The following PPP6R2 variants were observed in gnomAD, a reference collection of about 807,000 sequenced individuals.
The protein encoded by PPP6R2 is serine/threonine-protein phosphatase 6 regulatory subunit 2.
A neutral mutation model predicts 100.2 loss-of-function variants in PPP6R2; 62 were observed. That is an observed-to-expected ratio of 0.62 (90% CI 0.50 to 0.76). PPP6R2 has a LOEUF of 0.76. PPP6R2 is among the 30% of genes least tolerant of loss of function. PPP6R2 has a pLI of 0.00. For synonymous variants in PPP6R2, 525 were observed against 514.7 expected (o/e 1.02, Z -0.27); for missense variants, 1,142 against 1,276.3 (o/e 0.89, Z 1.60).
intron 4 of PPP6R2, among the ~76,000 whole-genome samples, chr22:50,411,711 A>T (rs1182393831): frequency 4.7e-5 from 7 of 149,968 alleles, no homozygotes; most frequent in Non-Finnish European, 1.0e-4. Context: ...CGAGATTGTG[A>T]CTCTGCACTC....
chr22:50,414,184 A>C (rs2147452381), intron 4 of PPP6R2, among the ~76,000 whole-genome samples: 1 of 152,220 alleles, frequency 6.6e-6, no homozygotes, highest in South Asian at 2.1e-4. Flanking sequence ...CCATCAGCTC[A>C]GCTCAGCTCT....
At chr22:50,361,933 T>C (rs901656996) in intron 1 of PPP6R2, among the ~76,000 whole-genome samples, 3 of 152,164 alleles carry the variant, frequency 2.0e-5, no homozygotes, top group Non-Finnish European at 4.4e-5. Flanking sequence ...GTCATGACTG[T>C]TCTCTGTCTT....
intron 2 of PPP6R2, among the ~76,000 whole-genome samples, chr22:50,386,084 C>T (rs1456237693): frequency 1.3e-5 from 2 of 151,652 alleles, no homozygotes; most frequent in Admixed American, 6.6e-5. Context: ...CTCAGCCTCC[C>T]AAAGTGCTGG....
At chr22:50,399,141 G>T (rs754601773) in intron 3 of PPP6R2, among the ~76,000 whole-genome samples, 11 of 152,108 alleles carry the variant, frequency 7.2e-5, no homozygotes, top group Non-Finnish European at 1.5e-4. Context: ...CAGCTACTTG[G>T]GAAGCTGAGA....
intron 21 of PPP6R2, 126 bp from the exon 22 acceptor site, chr22:50,440,696 G>A (rs1463813277): frequency 2.7e-6 from 3 of 1,098,004 alleles, no homozygotes; most frequent in African/African-American, 3.1e-5. Flanking sequence ...CTCCCACACA[G>A]GCACATGTGT....
chr22:50,418,004 C>A (rs547155488), intron 6 of PPP6R2, among the ~76,000 whole-genome samples: 1 of 152,162 alleles, frequency 6.6e-6, no homozygotes, highest in Non-Finnish European at 1.5e-5. Context: ...TCACGGATTG[C>A]GTGTTAATGT....
intron 8 of PPP6R2, 53 bp downstream of exon 8, chr22:50,419,515 A>T: frequency 7.9e-7 from 1 of 1,266,266 alleles, no homozygotes; most frequent in South Asian, 1.2e-5. Flanking sequence ...CCTCAGTGAT[A>T]TGGCAGCCCA....
chr22:50,393,086 C>T (rs2055979897), intron 2 of PPP6R2, among the ~76,000 whole-genome samples: 2 of 152,188 alleles, frequency 1.3e-5, no homozygotes, highest in Non-Finnish European at 2.9e-5. Context: ...CCCTGGCCTG[C>T]AGAATGACAT....
chr22:50,395,928 C>G (rs973784022), intron 3 of PPP6R2, among the ~76,000 whole-genome samples: 1 of 151,244 alleles, frequency 6.6e-6, no homozygotes, highest in Non-Finnish European at 1.5e-5. Flanking sequence ...GGCATCGTGG[C>G]TCATACCTGT....
At chr22:50,407,613 CAGTT>C (rs1354972603) in intron 4 of PPP6R2, 3 of 152,338 alleles carry the variant, frequency 2.0e-5, no homozygotes, top group African/African-American at 4.8e-5. Flanking sequence ...TCTGCAAAAG[CAGTT>C]AGTGAATTCA....
At chr22:50,393,445 C>T in intron 2 of PPP6R2, 4 of 984,848 alleles carry the variant, frequency 4.1e-6, no homozygotes, top group African/African-American at 1.7e-5. Context: ...ATCCCTGACA[C>T]ATGGGAGAGA....
In PPP6R2 at chr22:50,416,175, C is replaced by T. The variant is rs144767280; in HGVS notation, c.618+18C>T. 3.3e-4 allele frequency: 529 copies of T among 1,608,662 alleles called. No individual in the cohort carries two copies. The highest frequency in any genetic ancestry group is 1.2e-3 in the African/African-American group (89 of 74,892). On this transcript the variant is annotated intron_variant, in intron 6 of 23. Coordinates refer to ENST00000612753, the MANE Select transcript of PPP6R2 (RefSeq NM_001242898.2). ...ATGAAGATGTGAGTGTGCTGCTTAC[C>T]GAGCTTCGTGCATCAGTCCAGGCCT...
chr22:50,422,507 C>T, intron 9 of PPP6R2, 127 bp downstream of exon 9: 2 of 1,258,070 alleles, frequency 1.6e-6, no homozygotes, highest in Non-Finnish European at 2.1e-6. Flanking sequence ...CTAAGACGGC[C>T]ATTCCCACAC....
Position 50,444,487 on chromosome 22 carries a change from A to C in PPP6R2, c.*240A>C. The C allele has an allele frequency of 1.6e-5, 5 of 310,276 alleles. No homozygotes were observed. Among genetic ancestry groups the C allele is most frequent in the East Asian group, 1.2e-4 (1 of 8,526 alleles). The allele number at this position is 310,276 out of a possible 1,614,324, so 19.2% of individuals were successfully genotyped here. ...CAGAGGGGCACCTCAGCCGCCCCCA[A>C]GCCCAGAGCACAGCAATAAGGTCGG... On this transcript the variant is annotated 3_prime_UTR_variant, in exon 24 of 24. Coordinates refer to ENST00000612753, the MANE Select transcript of PPP6R2 (RefSeq NM_001242898.2).
intron 1 of PPP6R2, among the ~76,000 whole-genome samples, chr22:50,360,210 G>A (rs775117502): frequency 2.0e-5 from 3 of 151,646 alleles, no homozygotes; most frequent in Non-Finnish European, 4.4e-5. Context: ...GTGCCACCAC[G>A]CCTGGCTGAT....
intron 6 of PPP6R2, among the ~76,000 whole-genome samples, chr22:50,417,516 A>G (rs925951552): frequency 2.0e-5 from 3 of 152,176 alleles, no homozygotes; most frequent in African/African-American, 4.8e-5. Context: ...AGCATTACAC[A>G]TACCGATCTA....
At chr22:50,332,340 T>C in the PPP6R2 span, among the ~76,000 whole-genome samples, 1 of 151,050 alleles carries the variant, frequency 6.6e-6, no homozygotes, top group South Asian at 2.1e-4. Flanking sequence ...CCCCCATTCT[T>C]CTGCCTCAGC....
intron 8 of PPP6R2, among the ~76,000 whole-genome samples, chr22:50,420,110 G>A (rs1413222973): frequency 5.3e-5 from 8 of 152,352 alleles, no homozygotes; most frequent in Admixed American, 1.3e-4. Context: ...CAGGAGGCCC[G>A]TCTGTGGACA....
Position 50,431,339 on chromosome 22 carries a change from C to A in PPP6R2, c.1292C>A (p.Pro431His). The A allele has an allele frequency of 1.9e-6, 3 of 1,612,980 alleles. No homozygotes were observed. The highest frequency in any genetic ancestry group is 2.5e-6 in the Non-Finnish European group (3 of 1,179,992). Reference protein sequence around the residue: ...HENGNRSLETPQPAASLPDNT... With the variant: ...HENGNRSLETHQPAASLPDNT... The stretch of plus-strand genomic sequence containing the variant: ...AACGGGAACCGGAGCCTGGAGACTC[C>A]CCAGCCGGCCGCCAGCCTCCCTGAC... Residue 431 changes from proline (P) to histidine (H), a missense_variant, in exon 11 of 24, where the codon CCC becomes CAC. Physicochemically the swap from Pro to His is moderately conservative, Grantham distance 77. This residue lies in a region of PPP6R2 where 592 missense variants were observed against 758.9 expected (regional missense o/e 0.78). Coordinates refer to ENST00000612753, the MANE Select transcript of PPP6R2 (RefSeq NM_001242898.2). The surrounding 1 kb of genome is among the most constrained non-coding windows in gnomAD (Gnocchi z 4.8).
Sources: gnomAD v4.1 joint callset for allele counts (sites outside exome capture counted in the v4.1 genomes callset) on GRCh38, gnomAD v4.1.1 for gene constraint, gnomAD v4.1.1 regional missense constraint, Gnocchi (gnomAD v3.1) non-coding constraint, MANE v1.5 for transcripts, NCBI Gene and HGNC (gene_info 2026-07-23, HGNC 2026-07-21) for gene names.